DGKH: variants seen among roughly 807,000 people sequenced by gnomAD.
DGKH encodes the protein diacylglycerol kinase eta.
A neutral mutation model predicts 159.3 loss-of-function variants in DGKH; 90 were observed. The observed-to-expected ratio is 0.57, with a 90% CI of 0.48 to 0.67. The LOEUF (loss-of-function observed/expected upper bound fraction) is 0.67, where lower values mean the gene tolerates loss of function less well. DGKH is among the 30% of genes least tolerant of loss of function. The probability of loss-of-function intolerance (pLI) is 0.00; values close to 1 mark genes in which losing one functional copy is unlikely to be tolerated. For synonymous variants in DGKH, 536 were observed against 553.8 expected (o/e 0.97, Z 0.45); for missense variants, 1,181 against 1,506.1 (o/e 0.78, Z 3.57).
At chr13:42,208,247 A>T (rs1334171363) in intron 21 of DGKH, among the ~76,000 whole-genome samples, 1 of 152,166 alleles carries the variant, frequency 6.6e-6, no homozygotes, top group Non-Finnish European at 1.5e-5. Flanking sequence ...TTATACTGAA[A>T]ATTGTTTCAG....
chr13:42,160,850 A>G (rs955433692), intron 7 of DGKH, among the ~76,000 whole-genome samples: 1 of 152,132 alleles, frequency 6.6e-6, no homozygotes, highest in Non-Finnish European at 1.5e-5. Flanking sequence ...ATATGGAAAA[A>G]CTATTGTTTT....
rs1043189403 is a variant in DGKH at position 42,234,894 on chromosome 13, A to C, written c.*5706A>C. 2.0e-5 allele frequency: 3 copies of C among 152,224 alleles called. No homozygotes were observed. In the East Asian group the frequency reaches 5.8e-4, roughly 29 times the overall value. The allele number at this position is 152,224 out of a possible 1,614,324, so 9.4% of individuals were successfully genotyped here. Reference sequence around the variant, plus strand: ...ATTGTAATAGGAGGCCTTCCTAAAGAAGTAACTGCAACTTTTAAAACGTGA... The same window carrying C: ...ATTGTAATAGGAGGCCTTCCTAAAGCAGTAACTGCAACTTTTAAAACGTGA... On this transcript the variant is annotated 3_prime_UTR_variant, in exon 30 of 30. Transcript: ENST00000337343.
At position 42,210,767 on chromosome 13, in the gene DGKH, T is replaced by C; in HGVS notation, c.3014+2T>C. On this transcript the variant is annotated splice_donor_variant, in intron 24 of 29. Coordinates refer to ENST00000337343, the MANE Select transcript of DGKH (RefSeq NM_178009.5). LOFTEE classifies it high-confidence loss of function. Reference sequence around the variant, plus strand: ...GGCTGCAGAGGAGCTCATTACTAGGTAGGGGGCTCTGCTGACTTTTCAGGC... The same window carrying C: ...GGCTGCAGAGGAGCTCATTACTAGGCAGGGGGCTCTGCTGACTTTTCAGGC... The C allele has an allele frequency of 6.2e-7, 1 of 1,608,734 alleles. No individual in the cohort carries two copies. The highest frequency in any genetic ancestry group is 8.5e-7 in the Non-Finnish European group (1 of 1,178,668).
intron 29 of DGKH, among the ~76,000 whole-genome samples, chr13:42,249,763 A>G (rs898152177): frequency 1.3e-5 from 2 of 152,228 alleles, no homozygotes; most frequent in African/African-American, 4.8e-5. Flanking sequence ...TCCAATGATT[A>G]GCTGAATGTC....
At chr13:42,048,123 TGG>T (rs1880932165), upstream of DGKH, among the ~76,000 whole-genome samples, 1 of 2,432 alleles carries the variant, frequency 4.1e-4, no homozygotes, top group African/African-American at 1.5e-3. This position sits in a 1 kb window ranked among gnomAD's most constrained non-coding sequence, Gnocchi z 6.7. Flanking sequence ...GGAGTGGGGC[TGG>T]GGGTGGGGAA....
intron 1 of DGKH, among the ~76,000 whole-genome samples, chr13:42,097,428 C>T (rs1017098989): frequency 2.6e-5 from 4 of 152,106 alleles, no homozygotes; most frequent in African/African-American, 9.7e-5. Flanking sequence ...TCGCCTGTGT[C>T]CGTCACTGTT....
At chr13:42,123,125 A>G (rs142043516) in intron 1 of DGKH, among the ~76,000 whole-genome samples, 311 of 152,332 alleles carry the variant, frequency 2.0e-3, no homozygotes, top group Admixed American at 3.3e-3. Flanking sequence ...TATTAGCTAC[A>G]TTAAGTCGCT....
chr13:42,221,048 G>A (rs1003374692), intron 28 of DGKH: 9 of 483,914 alleles, frequency 1.9e-5, no homozygotes, highest in East Asian at 8.0e-5. Context: ...TGGGTGCACG[G>A]CAGCAAATGG....
intron 3 of DGKH, among the ~76,000 whole-genome samples, chr13:42,131,270 G>A (rs1367982714): frequency 6.6e-6 from 1 of 152,152 alleles, no homozygotes; most frequent in African/African-American, 2.4e-5. Flanking sequence ...TTGTTCTTTT[G>A]TTGTGTTTTA....
At chr13:42,165,195 T>C (rs1454203639) in intron 7 of DGKH, 136 bp from the exon 8 acceptor site, 4 of 462,172 alleles carry the variant, frequency 8.7e-6, no homozygotes, top group African/African-American at 2.0e-5. Context: ...ATAAATGTTA[T>C]ACCATTTAAA....
intron 2 of DGKH, among the ~76,000 whole-genome samples, chr13:42,128,333 T>C (rs1955214232): frequency 6.6e-6 from 1 of 152,232 alleles, no homozygotes; most frequent in Non-Finnish European, 1.5e-5. Context: ...GCTCCTGATA[T>C]AATTGGTAGG....
intron 30 of DGKH, among the ~76,000 whole-genome samples, chr13:42,254,841 T>C (rs1412095232): frequency 6.6e-6 from 1 of 152,174 alleles, no homozygotes; most frequent in Non-Finnish European, 1.5e-5. Flanking sequence ...GATTTCTACA[T>C]AGAATTAGAG....
chr13:42,186,752 T>C (rs1956937035), intron 13 of DGKH, among the ~76,000 whole-genome samples: 1 of 152,222 alleles, frequency 6.6e-6, no homozygotes, highest in South Asian at 2.1e-4. Context: ...GATGATGCTT[T>C]ATCATTTTTA....
intron 14 of DGKH, among the ~76,000 whole-genome samples, chr13:42,188,812 C>A (rs73475061): frequency 0.049 from 7,427 of 152,198 alleles, 554 homozygotes; most frequent in African/African-American, 0.16. Flanking sequence ...CCCTCTAAAT[C>A]AAAAGCCATA....
intron 1 of DGKH, among the ~76,000 whole-genome samples, 172 bp downstream of exon 1, chr13:42,049,137 ATGGTGAGACGGTG>A: frequency 5.8e-5 from 3 of 51,296 alleles, no homozygotes; most frequent in African/African-American, 1.5e-4. Context: ...GAAGGCGGGG[ATGGTGAGACGGTG>A]AGGCGGGGCG....
At chr13:42,093,205 C>T (rs1473699099) in intron 1 of DGKH, among the ~76,000 whole-genome samples, 1 of 150,702 alleles carries the variant, frequency 6.6e-6, no homozygotes, top group Non-Finnish European at 1.5e-5. Flanking sequence ...GATCATGCTA[C>T]TGCACTCCAG....
At chr13:42,146,422 C>T (rs542046173) in intron 3 of DGKH, among the ~76,000 whole-genome samples, 25 of 152,206 alleles carry the variant, frequency 1.6e-4, no homozygotes, top group Non-Finnish European at 2.9e-4. Context: ...AATCAGCAGG[C>T]GTACTGAAGT....
At chr13:42,206,731 GGCA>G (rs2138182562) in intron 21 of DGKH, among the ~76,000 whole-genome samples, 1 of 152,184 alleles carries the variant, frequency 6.6e-6, no homozygotes, top group Non-Finnish European at 1.5e-5. Context: ...CTTCTCACAT[GGCA>G]TCTCTCTGAT....
chr13:42,125,817 A>G (rs1311376121), intron 1 of DGKH, among the ~76,000 whole-genome samples: 2 of 152,218 alleles, frequency 1.3e-5, no homozygotes, highest in Non-Finnish European at 2.9e-5. Flanking sequence ...AGACAGAAAT[A>G]TGATCTCAGC....
Sources: gnomAD v4.1 joint callset for allele counts (sites outside exome capture counted in the v4.1 genomes callset) on GRCh38, gnomAD v4.1.1 for gene constraint, Gnocchi (gnomAD v3.1) non-coding constraint, MANE v1.5 for transcripts, NCBI Gene and HGNC (gene_info 2026-07-23, HGNC 2026-07-21) for gene names.